Variants in SLC25A21 observed in about 807,000 individuals in gnomAD.
The protein encoded by SLC25A21 is mitochondrial 2-oxodicarboxylate carrier.
In SLC25A21, 47 loss-of-function variants were observed where a neutral mutation model predicts 43.8. The ratio of observed to expected loss-of-function variants is 1.07; its 90% CI spans 0.85 to 1.37. The LOEUF is 1.37. Among genes scored for constraint, SLC25A21 ranks in the 40% most tolerant of loss-of-function variants. The pLI is 0.00. For synonymous variants in SLC25A21, 131 were observed against 121.3 expected, an observed-to-expected ratio of 1.08 and a Z score of -0.52; for missense variants, 352 against 350.2, an observed-to-expected ratio of 1.00 and a Z score of -0.04.
At chr14:37,155,577 A>C (rs1243712816) in intron 1 of SLC25A21, among the ~76,000 whole-genome samples, 1 of 152,192 alleles carries the variant, frequency 6.6e-6, no homozygotes, top group Non-Finnish European at 1.5e-5. Flanking sequence ...AACTCCATCA[A>C]ACTAACAGTG....
At chr14:36,704,333 C>T (rs1384480929) in intron 7 of SLC25A21, among the ~76,000 whole-genome samples, 1 of 152,036 alleles carries the variant, frequency 6.6e-6, no homozygotes, top group Non-Finnish European at 1.5e-5. Flanking sequence ...ATTTTAGTAA[C>T]CACTTTTAAA....
chr14:37,004,601 C>CA (rs1267188228), intron 1 of SLC25A21, among the ~76,000 whole-genome samples: 1 of 152,192 alleles, frequency 6.6e-6, no homozygotes, highest in Admixed American at 6.5e-5. Flanking sequence ...CTGAGCAAAA[C>CA]AAAATCCAGA....
chr14:37,069,929 G>T lies in SLC25A21; in HGVS notation c.70+102352C>A, dbSNP rs148512672. 1.9e-3 allele frequency among the ~76,000 whole-genome samples: 288 copies of T among 152,202 alleles called. 1 individual carries two copies. Among genetic ancestry groups the T allele is most frequent in the African/African-American group, 6.5e-3 (272 of 41,532 alleles). On this transcript the variant is annotated intron_variant, in intron 1 of 9. Transcript: ENST00000331299. ...AGAAGGCTATATGATCCCTAATTCT[G>T]CCTGTGTTCAACACACGCACATTAC...
At chr14:36,909,047 T>G (rs187302472) in intron 1 of SLC25A21, among the ~76,000 whole-genome samples, 1 of 151,328 alleles carries the variant, frequency 6.6e-6, no homozygotes, top group Non-Finnish European at 1.5e-5. Flanking sequence ...GCAGGGAAAA[T>G]AGAGGGACTT....
intron 1 of SLC25A21, among the ~76,000 whole-genome samples, chr14:37,090,575 A>T (rs1328435590): frequency 6.6e-6 from 1 of 152,224 alleles, no homozygotes. Flanking sequence ...TGAAGCCAAT[A>T]AATCTTGGCC....
Position 36,678,411 on chromosome 14 carries a change from G to A in SLC25A21, c.*2247C>T, listed in dbSNP as rs1185120083. The A allele has an allele frequency of 2.5e-6, 3 of 1,201,710 alleles. No individual in the cohort carries two copies. The highest frequency in any genetic ancestry group is 2.6e-5 in the South Asian group (2 of 77,268). 74.4% of individuals were successfully genotyped at this position (1,201,710 alleles called of 1,614,324 possible). A position where few individuals can be genotyped will look rare whatever the true frequency, so the allele number is the denominator to read the frequency against. On this transcript the variant is annotated 3_prime_UTR_variant, in exon 10 of 10. Transcript: ENST00000331299. ...ACTTCAGGAGAAGAATAAGCAGAAG[G>A]AGCAGATGAACTCTCAGGGCCATAG...
intron 1 of SLC25A21, among the ~76,000 whole-genome samples, chr14:36,911,254 T>G (rs1186344289): frequency 3.3e-5 from 5 of 152,238 alleles, no homozygotes; most frequent in African/African-American, 9.6e-5. Flanking sequence ...CATGTATTAA[T>G]TCATTAACTC....
At chr14:36,971,556 A>G (rs1959749692) in intron 1 of SLC25A21, among the ~76,000 whole-genome samples, 2 of 151,420 alleles carry the variant, frequency 1.3e-5, no homozygotes, top group Non-Finnish European at 2.9e-5. Flanking sequence ...ACCAGACACC[A>G]CCTCCTCAAG....
At position 36,725,661 on chromosome 14, in the gene SLC25A21, C is replaced by A. The variant is rs745613751; in HGVS notation, c.347G>T (p.Gly116Val). Residue 116 changes from glycine (G) to valine (V), a missense_variant, in exon 6 of 10, where the codon GGA becomes GTA. Coordinates refer to ENST00000331299, the MANE Select transcript of SLC25A21 (RefSeq NM_030631.4). ...GGCTTCTGTTAGTCCAGATCCCAATCCAGCAATGGCGAATGTCTAGAAAAA... is the reference window on the plus strand; with the variant it reads ...GGCTTCTGTTAGTCCAGATCCCAATACAGCAATGGCGAATGTCTAGAAAAA... The part of the protein sequence containing the change: ...LSPALTFAIA[G>V]LGSGLTEAIV... 3 of 1,595,936 alleles carry A rather than the reference C, an allele frequency of 1.9e-6. No homozygotes were observed. Among genetic ancestry groups the A allele is most frequent in the Non-Finnish European group, 2.6e-6 (3 of 1,171,542 alleles).
intron 2 of SLC25A21, among the ~76,000 whole-genome samples, chr14:36,825,612 T>A (rs1048193510): frequency 6.6e-6 from 1 of 152,240 alleles, no homozygotes; most frequent in Admixed American, 6.5e-5. Context: ...TTTAATTTTG[T>A]AAAATGCTGA....
intron 3 of SLC25A21, among the ~76,000 whole-genome samples, chr14:36,756,543 T>C (rs1262078362): frequency 1.3e-5 from 2 of 152,170 alleles, no homozygotes; most frequent in Non-Finnish European, 2.9e-5. Flanking sequence ...GAAAACACTT[T>C]TTTGAAAAAT....
At chr14:37,124,568 G>A (rs551684950) in intron 1 of SLC25A21, among the ~76,000 whole-genome samples, 84 of 152,228 alleles carry the variant, frequency 5.5e-4, no homozygotes, top group African/African-American at 2.0e-3. Context: ...CCTCTCTTAA[G>A]CTCGATGGTT....
chr14:36,985,248 G>A (rs970064890), intron 1 of SLC25A21, among the ~76,000 whole-genome samples: 1 of 151,432 alleles, frequency 6.6e-6, no homozygotes, highest in Non-Finnish European at 1.5e-5. Context: ...AGTGGGTGCA[G>A]CGCACCAGCA....
chr14:36,792,573 C>A (rs1428675682), intron 3 of SLC25A21, among the ~76,000 whole-genome samples: 1 of 152,112 alleles, frequency 6.6e-6, no homozygotes, highest in Non-Finnish European at 1.5e-5. Flanking sequence ...GTCCAAAGTG[C>A]AGGCAACTTC....
At chr14:36,939,731 C>T (rs1441289682) in intron 1 of SLC25A21, among the ~76,000 whole-genome samples, 1 of 152,024 alleles carries the variant, frequency 6.6e-6, no homozygotes, top group African/African-American at 2.4e-5. Context: ...AACCATTCTA[C>T]TTACGTTTTA....
chr14:36,842,590 CTAT>C (rs1473165214), intron 2 of SLC25A21, among the ~76,000 whole-genome samples: 1 of 152,154 alleles, frequency 6.6e-6, no homozygotes, highest in Non-Finnish European at 1.5e-5. Context: ...GGTGAGTTGC[CTAT>C]TATTTGCAGT....
intron 1 of SLC25A21, among the ~76,000 whole-genome samples, chr14:37,160,525 A>G (rs1428828605): frequency 6.6e-6 from 1 of 152,182 alleles, no homozygotes; most frequent in Non-Finnish European, 1.5e-5. Flanking sequence ...ATTTGAACGC[A>G]TGGAAGTAGA....
intron 1 of SLC25A21, among the ~76,000 whole-genome samples, chr14:37,166,064 T>A (rs1218493708): frequency 6.6e-6 from 1 of 152,214 alleles, no homozygotes; most frequent in African/African-American, 2.4e-5. Flanking sequence ...CCATTTGGTG[T>A]CTTTGTGAGA....
intron 1 of SLC25A21, among the ~76,000 whole-genome samples, chr14:37,039,049 T>C (rs1961389229): frequency 6.6e-6 from 1 of 152,150 alleles, no homozygotes; most frequent in Non-Finnish European, 1.5e-5. Flanking sequence ...AACAATTGCA[T>C]CTGACACCAT....
Sources: allele counts gnomAD v4.1 joint callset (sites outside exome capture counted in the v4.1 genomes callset), GRCh38; gene constraint gnomAD v4.1.1; transcripts MANE v1.5; gene names NCBI Gene and HGNC (gene_info 2026-07-23, HGNC 2026-07-21).